Variants in FGGY observed in about 807,000 individuals in gnomAD.
FGGY encodes the protein FGGY carbohydrate kinase domain containing.
A neutral mutation model predicts 71.3 loss-of-function variants in FGGY; 72 were observed. The observed-to-expected ratio is 1.01, with a 90% CI of 0.84 to 1.23. The LOEUF is 1.23. Among genes scored for constraint, FGGY ranks in the 50% most tolerant of loss-of-function variants. FGGY has a pLI of 0.00. For missense variants in FGGY, 668 were observed against 682.3 expected (o/e 0.98, Z 0.23); for synonymous variants, 251 against 250.3 (o/e 1.00, Z -0.02).
At chr1:59,749,330 G>A (rs2098226070) in intron 14 of FGGY, among the ~76,000 whole-genome samples, 1 of 152,182 alleles carries the variant, frequency 6.6e-6, no homozygotes, top group African/African-American at 2.4e-5. Context: ...AGAAATACAG[G>A]AGACCCAGGA....
chr1:59,510,661 T>G (rs1355744440), intron 6 of FGGY, among the ~76,000 whole-genome samples: 1 of 152,258 alleles, frequency 6.6e-6, no homozygotes, highest in Non-Finnish European at 1.5e-5. Flanking sequence ...AAAGTGATAC[T>G]AATTTTTAAT....
intron 2 of FGGY, among the ~76,000 whole-genome samples, chr1:59,332,804 CA>C (rs2048753514): frequency 6.6e-6 from 1 of 152,160 alleles, no homozygotes; most frequent in Admixed American, 6.5e-5. Context: ...TGAGTCTATC[CA>C]ATTTTTTCTA....
chr1:59,438,170 T>C (rs1395656673), intron 5 of FGGY, among the ~76,000 whole-genome samples: 1 of 152,318 alleles, frequency 6.6e-6, no homozygotes, highest in East Asian at 1.9e-4. Context: ...ATTACCACCA[T>C]TGTAGATGTG....
intron 2 of FGGY, among the ~76,000 whole-genome samples, chr1:59,325,094 C>G (rs897491433): frequency 6.6e-6 from 1 of 152,176 alleles, no homozygotes; most frequent in African/African-American, 2.4e-5. Flanking sequence ...TGGCTCACGC[C>G]TGTAATCCCA....
chr1:59,624,878 C>G (rs2096842290), intron 9 of FGGY, among the ~76,000 whole-genome samples: 1 of 152,098 alleles, frequency 6.6e-6, no homozygotes, highest in African/African-American at 2.4e-5. Context: ...CAAACCATAT[C>G]AAGCAGACAC....
intron 13 of FGGY, among the ~76,000 whole-genome samples, chr1:59,670,814 G>A (rs559823953): frequency 6.6e-6 from 1 of 152,150 alleles, no homozygotes; most frequent in Non-Finnish European, 1.5e-5. Flanking sequence ...TTGCCAGCTT[G>A]GGAAATGCTG....
chr1:59,638,185 G>T, intron 10 of FGGY, 43 bp from the exon 11 acceptor site: 2 of 1,594,680 alleles, frequency 1.3e-6, no homozygotes, highest in South Asian at 2.2e-5. Context: ...TTTGCTCCCT[G>T]ACCCTATCCC....
chr1:59,647,157 C>T (rs1049324941), intron 11 of FGGY, among the ~76,000 whole-genome samples: 10 of 152,104 alleles, frequency 6.6e-5, no homozygotes, highest in Non-Finnish European at 1.3e-4. Context: ...GAACTAAGGC[C>T]AGAGGACCAA....
chr1:59,362,074 C>T (rs1352054130), intron 4 of FGGY, among the ~76,000 whole-genome samples: 8 of 152,208 alleles, frequency 5.3e-5, no homozygotes, highest in Non-Finnish European at 8.8e-5. Flanking sequence ...GGGACATTGT[C>T]ATGGTCCTGC....
intron 13 of FGGY, among the ~76,000 whole-genome samples, chr1:59,670,078 C>A (rs571613814): frequency 1.3e-5 from 2 of 152,182 alleles, no homozygotes; most frequent in African/African-American, 4.8e-5. Context: ...GACAAAGAGA[C>A]CTTTTATTTA....
intron 12 of FGGY, among the ~76,000 whole-genome samples, chr1:59,665,965 G>A (rs897749172): frequency 3.9e-5 from 6 of 152,072 alleles, no homozygotes; most frequent in South Asian, 2.1e-4. Context: ...GAGCCACCGC[G>A]CCCGGCCCAA....
intron 5 of FGGY, among the ~76,000 whole-genome samples, chr1:59,438,395 T>C (rs1272339448): frequency 6.6e-6 from 1 of 152,232 alleles, no homozygotes; most frequent in Non-Finnish European, 1.5e-5. Context: ...CCCAGAATGC[T>C]TTACAAATTC....
chr1:59,605,497 G>C (rs1190582915), intron 8 of FGGY, among the ~76,000 whole-genome samples: 4 of 152,126 alleles, frequency 2.6e-5, no homozygotes, highest in African/African-American at 9.7e-5. Context: ...GGAAACATCT[G>C]TTAACCAGTA....
chr1:59,538,604 A>G (rs1410527088), intron 7 of FGGY, among the ~76,000 whole-genome samples: 2 of 150,292 alleles, frequency 1.3e-5, no homozygotes, highest in East Asian at 3.9e-4. Context: ...CAAATGTCCA[A>G]CAATGATAGA....
At chr1:59,448,507 C>T (rs2071865598) in intron 5 of FGGY, among the ~76,000 whole-genome samples, 1 of 152,118 alleles carries the variant, frequency 6.6e-6, no homozygotes, top group Non-Finnish European at 1.5e-5. Flanking sequence ...CTCCAGGAGT[C>T]TAACTTTTGT....
At chr1:59,419,656 C>T (rs1462794292) in intron 5 of FGGY, among the ~76,000 whole-genome samples, 3 of 152,110 alleles carry the variant, frequency 2.0e-5, no homozygotes, top group East Asian at 3.9e-4. Flanking sequence ...TTCTCCGTGG[C>T]TCAGTTCTAA....
intron 5 of FGGY, among the ~76,000 whole-genome samples, chr1:59,407,595 C>T (rs1444009820): frequency 6.6e-6 from 1 of 152,182 alleles, no homozygotes; most frequent in Admixed American, 6.5e-5. Context: ...TGACCAGGCT[C>T]TAACAGGGCC....
chr1:59,463,429 G>A (rs762007465), intron 6 of FGGY, among the ~76,000 whole-genome samples: 4 of 152,098 alleles, frequency 2.6e-5, no homozygotes, highest in South Asian at 2.1e-4. Context: ...AAAGACCATC[G>A]ATGCTAGGAA....
At chr1:59,755,701 T>C (rs530795712) in intron 14 of FGGY, 1 of 152,368 alleles carries the variant, frequency 6.6e-6, no homozygotes, top group African/African-American at 2.4e-5. Context: ...AATTCCCTGA[T>C]GTCTGCCGTT....
Sources: allele counts gnomAD v4.1 joint callset (sites outside exome capture counted in the v4.1 genomes callset), GRCh38; gene constraint gnomAD v4.1.1; transcripts MANE v1.5; gene names NCBI Gene and HGNC (gene_info 2026-07-23, HGNC 2026-07-21).